The following SUN5 variants were observed in gnomAD, a reference collection of about 807,000 sequenced individuals.
SUN5 encodes SUN domain-containing protein 5.
Under a neutral mutation model 53.7 loss-of-function variants are expected in SUN5, and 44 were observed. The ratio of observed to expected loss-of-function variants is 0.82; its 90% CI spans 0.64 to 1.05. The LOEUF (loss-of-function observed/expected upper bound fraction) is 1.05, where lower values mean the gene tolerates loss of function less well. Among genes scored for constraint, SUN5 ranks in the 50% least tolerant of loss-of-function variants. The probability of loss-of-function intolerance (pLI) is 0.00; values close to 1 mark genes in which losing one functional copy is unlikely to be tolerated. For missense variants in SUN5, 433 were observed against 483.8 expected (o/e 0.90, Z 0.98); for synonymous variants, 166 against 179.8 (o/e 0.92, Z 0.62).
chr20:32,985,691 G>A (rs369788695), intron 11 of SUN5, 45 bp downstream of exon 11: 1 of 1,599,712 alleles, frequency 6.3e-7, no homozygotes, highest in African/African-American at 1.3e-5. Flanking sequence ...CCATTGGAAG[G>A]TTGTCCCTTT....
In SUN5 at chr20:33,001,350, T is replaced by C. The variant is rs1990003171; in HGVS notation, c.212-72A>G. 4.6e-6 allele frequency: 7 copies of C among 1,524,748 alleles called. No individual in the cohort carries two copies. The Admixed American group carries it at 9.8e-5, about 21-fold the overall frequency. The allele number at this position is 1,524,748 out of a possible 1,614,324, so 94.5% of individuals were successfully genotyped here. On this transcript the variant is annotated intron_variant, in intron 3 of 12. Transcript: ENST00000356173. ...GTCCCACTACAAGGACCTGCTGACCTTTCTGGGGCTGGGGGAGGCCCTGGA... is the reference window on the plus strand; with the variant it reads ...GTCCCACTACAAGGACCTGCTGACCCTTCTGGGGCTGGGGGAGGCCCTGGA...
chr20:33,000,750 T>A (rs1019519880), intron 4 of SUN5, among the ~76,000 whole-genome samples: 1 of 148,386 alleles, frequency 6.7e-6, no homozygotes, highest in Admixed American at 6.8e-5. Context: ...GAGGCTGAGG[T>A]GGGACGATTG....
intron 8 of SUN5, among the ~76,000 whole-genome samples, chr20:32,994,375 C>A (rs1013589732): frequency 1.3e-5 from 2 of 152,108 alleles, no homozygotes; most frequent in African/African-American, 4.8e-5. Flanking sequence ...GAGGCAAGAC[C>A]ATATCATTGA....
At chr20:32,988,576 T>TTTTATTTA (rs10681483) in intron 9 of SUN5, among the ~76,000 whole-genome samples, 5,077 of 150,632 alleles carry the variant, frequency 0.034, 124 homozygotes, top group Non-Finnish European at 0.046. Context: ...CTGATTATTA[T>TTTTATTTA]TTTATTTATT....
chr20:32,987,534 C>T (rs1388003755), intron 10 of SUN5, 126 bp downstream of exon 10: 7 of 664,850 alleles, frequency 1.1e-5, no homozygotes, highest in Non-Finnish European at 2.5e-6. Flanking sequence ...CCTGCTCCTA[C>T]CTCTAACCCC....
intron 6 of SUN5, 152 bp from the exon 7 acceptor site, chr20:32,996,510 C>T: frequency 3.3e-6 from 2 of 613,336 alleles, no homozygotes; most frequent in Non-Finnish European, 5.5e-6. Context: ...CCTATCATTT[C>T]TCCAAACTCT....
At chr20:32,994,626 C>T (rs1266009613) in intron 8 of SUN5, among the ~76,000 whole-genome samples, 1 of 152,144 alleles carries the variant, frequency 6.6e-6, no homozygotes, top group Non-Finnish European at 1.5e-5. Context: ...AGGCTGGATG[C>T]AGTGGCTCAC....
chr20:32,994,931 T>G (rs562699879), intron 8 of SUN5, among the ~76,000 whole-genome samples: 1 of 151,114 alleles, frequency 6.6e-6, no homozygotes, highest in South Asian at 2.1e-4. Flanking sequence ...TGATGCAAGA[T>G]TATTAGTAAA....
intron 6 of SUN5, among the ~76,000 whole-genome samples, 171 bp downstream of exon 6, chr20:32,997,467 A>G (rs1568968414): frequency 6.6e-6 from 1 of 152,230 alleles, no homozygotes; most frequent in East Asian, 1.9e-4. Flanking sequence ...CCTCTGGCAG[A>G]GAGATGGGTT....
intron 10 of SUN5, among the ~76,000 whole-genome samples, chr20:32,986,871 CCTGCGTTCTAT>C (rs369532515): frequency 5.9e-5 from 9 of 152,218 alleles, no homozygotes; most frequent in African/African-American, 2.2e-4. Context: ...GGCCTGTGCC[CCTGCGTTCTAT>C]CTGCCTGCGG....
intron 1 of SUN5, 110 bp downstream of exon 1, chr20:33,004,154 G>T: frequency 8.3e-7 from 1 of 1,199,708 alleles, no homozygotes; most frequent in Non-Finnish European, 1.1e-6. Context: ...CTTGGTGGCT[G>T]TCTCTGTACA....
chr20:33,002,583 G>C lies in SUN5; in HGVS notation c.211+4C>G, dbSNP rs754779226. ...ACGAAGGTGATTATTCAGTATATAC[G>C]TACACACACATCCCAGCATGCACTG... On this transcript the variant is annotated splice_donor_region_variant and intron_variant, in intron 3 of 12. Coordinates refer to ENST00000356173, the MANE Select transcript of SUN5 (RefSeq NM_080675.4). 1 of 1,613,810 alleles carries C rather than the reference G, an allele frequency of 6.2e-7. No individual in the cohort carries two copies.
rs1471290969 is a variant in SUN5 at position 33,004,423 on chromosome 20, C to T, written c.-83G>A. The T allele has an allele frequency of 1.0e-5, 15 of 1,450,256 alleles. No homozygotes were observed. The highest frequency in any genetic ancestry group is 1.4e-5 in the Non-Finnish European group (15 of 1,096,950). The allele number at this position is 1,450,256 out of a possible 1,614,324, so 89.8% of individuals were successfully genotyped here. ...GAAGGGGCTGATGCCTCTGAATGTC[C>T]CCTGAAAAGTGCCAAGTGGAATCTG... On this transcript the variant is annotated 5_prime_UTR_variant, in exon 1 of 13. Transcript: ENST00000356173.
At chr20:32,993,761 G>GT (rs1180570873) in intron 8 of SUN5, among the ~76,000 whole-genome samples, 2 of 152,206 alleles carry the variant, frequency 1.3e-5, no homozygotes, top group Non-Finnish European at 2.9e-5. Context: ...CAGATGATTG[G>GT]TTTGCATCTT....
At chr20:32,995,482 T>C (rs1989821399) in intron 8 of SUN5, 137 bp downstream of exon 8, 1 of 683,660 alleles carries the variant, frequency 1.5e-6, no homozygotes, top group African/African-American at 1.8e-5. Flanking sequence ...CTTCTTTCAC[T>C]GTATTCCTGA....
chr20:32,989,752 TC>T, intron 8 of SUN5, 54 bp from the exon 9 acceptor site: 1 of 1,480,268 alleles, frequency 6.8e-7, no homozygotes, highest in Non-Finnish European at 9.4e-7. Flanking sequence ...CGGACTGTGA[TC>T]CCCACGTGTC....
At chr20:32,990,679 G>C (rs997191237) in intron 8 of SUN5, among the ~76,000 whole-genome samples, 1 of 152,196 alleles carries the variant, frequency 6.6e-6, no homozygotes. Flanking sequence ...AGCCGTAACT[G>C]AGTCCCAGTT....
At chr20:32,995,283 A>G (rs1217402134) in intron 8 of SUN5, among the ~76,000 whole-genome samples, 1 of 152,212 alleles carries the variant, frequency 6.6e-6, no homozygotes, top group African/African-American at 2.4e-5. Context: ...ATCATACTCA[A>G]AGGATCAATA....
chr20:32,995,709 C>T lies in SUN5; in HGVS notation c.444G>A (p.Val148=). The change falls in exon 8 of 13, where the codon GTG becomes GTA. Residue 148 remains valine, a synonymous_variant. Transcript: ENST00000356173. ...LQSLRLYQEK[V]RHHSGEIQDL... is the part of the protein sequence containing the mutation. The stretch of plus-strand genomic sequence containing the variant: ...CCTGGATTTCCCCACTGTGATGTCG[C>T]ACCTTCTCCTGGTACAACCTTATCA... 1 of 1,614,144 alleles carries T rather than the reference C, an allele frequency of 6.2e-7. No homozygotes were observed. The highest frequency in any genetic ancestry group is 8.5e-7 in the Non-Finnish European group (1 of 1,180,010).
Sources: gnomAD v4.1 joint callset for allele counts (sites outside exome capture counted in the v4.1 genomes callset) on GRCh38, gnomAD v4.1.1 for gene constraint, MANE v1.5 for transcripts, NCBI Gene and HGNC (gene_info 2026-07-23, HGNC 2026-07-21) for gene names.